Variants in GPCPD1 observed in about 807,000 individuals in gnomAD.
GPCPD1 encodes glycerophosphocholine phosphodiesterase GPCPD1.
GPCPD1 carries 29 observed loss-of-function variants against 89.2 expected under a neutral mutation model. The ratio of observed to expected loss-of-function variants is 0.33; its 90% CI spans 0.24 to 0.44. GPCPD1 has a LOEUF of 0.44. Ranked by LOEUF, GPCPD1 falls within the 20% of genes least tolerant of loss-of-function variation. The probability of loss-of-function intolerance (pLI) is 1.00; values close to 1 mark genes in which losing one functional copy is unlikely to be tolerated. For synonymous variants in GPCPD1, 258 were observed against 266.3 expected (o/e 0.97, Z 0.30); for missense variants, 594 against 808.9 (o/e 0.73, Z 3.22).
intron 6 of GPCPD1, among the ~76,000 whole-genome samples, chr20:5,581,458 G>A (rs1346426699): frequency 1.3e-5 from 2 of 152,192 alleles, no homozygotes; most frequent in Admixed American, 6.5e-5. Flanking sequence ...AGGGATCACT[G>A]TTACACTTCC....
chr20:5,588,030 T>C (rs570624795), intron 4 of GPCPD1, among the ~76,000 whole-genome samples: 1 of 152,334 alleles, frequency 6.6e-6, no homozygotes, highest in African/African-American at 2.4e-5. Flanking sequence ...CCTTAATTGG[T>C]AGACTGGGTA....
At chr20:5,589,852 G>A (rs552596273) in intron 4 of GPCPD1, among the ~76,000 whole-genome samples, 1 of 152,252 alleles carries the variant, frequency 6.6e-6, no homozygotes, top group African/African-American at 2.4e-5. Context: ...TAGATCTTTG[G>A]AGAAAAAAGT....
chr20:5,563,314 G>T (rs1256070510), intron 15 of GPCPD1, among the ~76,000 whole-genome samples: 1 of 151,994 alleles, frequency 6.6e-6, no homozygotes, highest in Non-Finnish European at 1.5e-5. Flanking sequence ...ATGGCAAAGT[G>T]AGTAAATGAG....
intron 19 of GPCPD1, among the ~76,000 whole-genome samples, chr20:5,555,180 T>G (rs974445849): frequency 6.6e-6 from 1 of 152,196 alleles, no homozygotes; most frequent in African/African-American, 2.4e-5. Context: ...ATTCAGAATA[T>G]TACATAAACT....
At chr20:5,562,957 T>C (rs1986172639) in intron 15 of GPCPD1, among the ~76,000 whole-genome samples, 2 of 152,158 alleles carry the variant, frequency 1.3e-5, no homozygotes, top group Non-Finnish European at 2.9e-5. Flanking sequence ...AATGAGATTA[T>C]ATTTGGTATT....
At chr20:5,588,013 T>C (rs1568669236) in intron 4 of GPCPD1, among the ~76,000 whole-genome samples, 1 of 152,212 alleles carries the variant, frequency 6.6e-6, no homozygotes, top group Non-Finnish European at 1.5e-5. Context: ...CCTGCTATAA[T>C]AGTTCACCTT....
chr20:5,591,901 A>G (rs1393896699), intron 4 of GPCPD1, among the ~76,000 whole-genome samples: 1 of 152,254 alleles, frequency 6.6e-6, no homozygotes, highest in Non-Finnish European at 1.5e-5. Context: ...TTAAAGAAAC[A>G]CACTCACCAA....
chr20:5,606,339 T>A (rs1980585079), intron 1 of GPCPD1, among the ~76,000 whole-genome samples: 1 of 152,028 alleles, frequency 6.6e-6, no homozygotes, highest in Non-Finnish European at 1.5e-5. Context: ...CAATCACATC[T>A]TTATTCTGCA....
intron 2 of GPCPD1, among the ~76,000 whole-genome samples, chr20:5,601,401 C>T (rs1980141650): frequency 7.7e-6 from 1 of 130,494 alleles, no homozygotes. Flanking sequence ...TGGAGTCTTG[C>T]TCCATCGCCC....
At chr20:5,564,760 G>A (rs567808679) in intron 15 of GPCPD1, among the ~76,000 whole-genome samples, 1 of 152,086 alleles carries the variant, frequency 6.6e-6, no homozygotes, top group Non-Finnish European at 1.5e-5. Flanking sequence ...AGGATCGCTT[G>A]AGCCAAGGAA....
At chr20:5,556,244 G>T (rs111582154) in intron 19 of GPCPD1, among the ~76,000 whole-genome samples, 135 of 152,210 alleles carry the variant, frequency 8.9e-4, no homozygotes, top group African/African-American at 2.4e-3. Flanking sequence ...GTCTCACTCT[G>T]TCACCCAGAC....
At chr20:5,580,235 T>G in intron 6 of GPCPD1, 104 bp from the exon 7 acceptor site, 1 of 580,564 alleles carries the variant, frequency 1.7e-6, no homozygotes, top group South Asian at 2.5e-5. Context: ...TTCACTTTTT[T>G]TTTTTAACCT....
At chr20:5,607,312 G>C (rs238297) in intron 1 of GPCPD1, among the ~76,000 whole-genome samples, 316 of 151,424 alleles carry the variant, frequency 2.1e-3, no homozygotes, top group Non-Finnish European at 3.6e-3. Context: ...AAGAAAAAAG[G>C]CCGGGCATGG....
intron 19 of GPCPD1, among the ~76,000 whole-genome samples, chr20:5,549,748 C>CAAAA (rs397864689): frequency 1.0e-4 from 10 of 95,568 alleles, no homozygotes; most frequent in African/African-American, 2.5e-4. Context: ...GAACCTGCCT[C>CAAAA]AAAAAAAAAA....
At chr20:5,562,562 G>A (rs771621488) in intron 15 of GPCPD1, among the ~76,000 whole-genome samples, 5 of 152,196 alleles carry the variant, frequency 3.3e-5, no homozygotes, top group African/African-American at 4.8e-5. Context: ...GATTACAGGC[G>A]TGAGCCACTG....
rs369995139 is a variant in GPCPD1, at chr20:5,595,807, G to GC, written c.147-2397_147-2396insG. On this transcript the variant is annotated intron_variant, in intron 3 of 19. Coordinates refer to ENST00000379019, the MANE Select transcript of GPCPD1 (RefSeq NM_019593.5). ...TTCTGCTACCCCAAAAAGAAAAAAA[G>GC]GGGGGGGGACAAATTCCCAGTACTA... 1.1e-3 allele frequency among the ~76,000 whole-genome samples: 59 copies of GC among 54,960 alleles called. No homozygotes were observed. In the East Asian group the frequency reaches 0.034, roughly 32 times the overall value. The allele number at this position is 54,960 out of a possible 152,430, so 36.1% of individuals were successfully genotyped here.
In GPCPD1 at chr20:5,578,514, T is replaced by C. The variant is rs551933592; in HGVS notation, c.571A>G (p.Ile191Val). 6.2e-6 allele frequency: 10 copies of C among 1,613,724 alleles called. No individual in the cohort carries two copies. The highest frequency in any genetic ancestry group is 4.4e-5 in the South Asian group (4 of 91,076). Residue 191 changes from isoleucine to valine, a missense_variant, in exon 8 of 20, where the codon ATA becomes GTA. By Grantham distance (29) the Ile-to-Val change is conservative. Transcript: ENST00000379019. ...CTGCACTTGAACTCATTGTCGCTTA[T>C]TAAGGATATCTCCAAGCTATTGGAC... ...KMSNSLEISL[I>V]SDNEFKCRHS...
chr20:5,602,841 G>A (rs1157592582), intron 2 of GPCPD1, among the ~76,000 whole-genome samples: 1 of 152,112 alleles, frequency 6.6e-6, no homozygotes, highest in African/African-American at 2.4e-5. Flanking sequence ...AAATTAGCCA[G>A]GTGTGGTGTC....
chr20:5,570,457 A>G (rs906818243), intron 11 of GPCPD1, among the ~76,000 whole-genome samples: 2 of 149,474 alleles, frequency 1.3e-5, no homozygotes. Flanking sequence ...ACGGACACAG[A>G]TTCACTTCAA....
Sources: gnomAD v4.1 joint callset for allele counts (sites outside exome capture counted in the v4.1 genomes callset) on GRCh38, gnomAD v4.1.1 for gene constraint, MANE v1.5 for transcripts, NCBI Gene and HGNC (gene_info 2026-07-23, HGNC 2026-07-21) for gene names.